Variants in PLEKHM3 observed in about 807,000 individuals in gnomAD.
PLEKHM3 encodes pleckstrin homology domain containing M3, also known as pleckstrin homology domain-containing family M member 3.
In PLEKHM3, 45 loss-of-function variants were observed where a neutral mutation model predicts 81.8. The observed-to-expected ratio is 0.55, with a 90% CI of 0.43 to 0.71. The LOEUF (loss-of-function observed/expected upper bound fraction) is 0.71. PLEKHM3 is among the 30% of genes least tolerant of loss of function. The probability of loss-of-function intolerance (pLI) is 0.00; values close to 1 mark genes in which losing one functional copy is unlikely to be tolerated. For missense variants in PLEKHM3, 788 were observed against 924.3 expected, an observed-to-expected ratio of 0.85 and a Z score of 1.91; for synonymous variants, 352 against 356.4, an observed-to-expected ratio of 0.99 and a Z score of 0.14.
At chr2:207,943,644 G>A (rs924925330) in intron 4 of PLEKHM3, among the ~76,000 whole-genome samples, 1 of 151,858 alleles carries the variant, frequency 6.6e-6, no homozygotes, top group African/African-American at 2.4e-5. Context: ...CGAGGCGGGC[G>A]GATCACGAGG....
intron 5 of PLEKHM3, among the ~76,000 whole-genome samples, 198 bp from the exon 6 acceptor site, chr2:207,908,775 G>A (rs1381374978): frequency 1.3e-5 from 2 of 152,168 alleles, no homozygotes; most frequent in Admixed American, 6.5e-5. Flanking sequence ...CCAGAATGGA[G>A]GTAAAAGTTT....
Position 207,972,573 on chromosome 2 carries a change from C to T in PLEKHM3, c.1546+4078G>A, listed in dbSNP as rs532289201. Among the ~76,000 whole-genome samples the T allele has an allele frequency of 1.2e-4, 17 of 139,442 alleles. No individual in the cohort carries two copies. The South Asian group carries it at 2.0e-3, about 17-fold the overall frequency. The allele number at this position is 139,442 out of a possible 152,430, so 91.5% of individuals were successfully genotyped here. A position where few individuals can be genotyped will look rare whatever the true frequency, so the allele number is the denominator to read the frequency against. ...CTGCACTCCAGCCTGGGCAACAGGG[C>T]GAGACTCCGTCTCAAAAAAAAAAAA... On this transcript the variant is annotated intron_variant, in intron 3 of 7. Coordinates refer to ENST00000427836, the MANE Select transcript of PLEKHM3 (RefSeq NM_001080475.3).
At chr2:207,998,298 G>A (rs1043387362) in intron 2 of PLEKHM3, among the ~76,000 whole-genome samples, 1 of 152,184 alleles carries the variant, frequency 6.6e-6, no homozygotes, top group African/African-American at 2.4e-5. Flanking sequence ...GAGCCCAGGA[G>A]TTTGAGACCA....
At chr2:208,006,801 G>A (rs988978594) in intron 1 of PLEKHM3, among the ~76,000 whole-genome samples, 2 of 152,194 alleles carry the variant, frequency 1.3e-5, no homozygotes, top group Non-Finnish European at 2.9e-5. Flanking sequence ...TGCCCTTTCT[G>A]TAAGAAGGGG....
intron 1 of PLEKHM3, among the ~76,000 whole-genome samples, chr2:208,021,948 C>T (rs897708772): frequency 6.6e-6 from 1 of 152,166 alleles, no homozygotes; most frequent in African/African-American, 2.4e-5. Flanking sequence ...CATTTTGGGG[C>T]ATTTAGGTTA....
rs530755243 is a variant in PLEKHM3, at chr2:207,883,602, G to A, written c.1951-22340C>T. On this transcript the variant is annotated intron_variant, in intron 6 of 7. Transcript: ENST00000427836. ...GTGGTGAGCATGTGTAAGGTGTAGC[G>A]TGCAAGTATAAGCCAGAGAAGCAGC... Among the ~76,000 whole-genome samples the A allele has an allele frequency of 8.5e-5, 13 of 152,286 alleles. No individual in the cohort carries two copies. In the South Asian group the frequency reaches 1.0e-3, roughly 12 times the overall value.
At position 207,890,110 on chromosome 2, in the gene PLEKHM3, G is replaced by A. The variant is rs979453705; in HGVS notation, c.1950+18404C>T. On this transcript the variant is annotated intron_variant, in intron 6 of 7. Coordinates refer to ENST00000427836, the MANE Select transcript of PLEKHM3 (RefSeq NM_001080475.3). ...GTGAGCCACCGTCCCCTGCCTATTC[G>A]TTCATTTTTTAAAAATTGCAAATTG... 2.6e-5 allele frequency among the ~76,000 whole-genome samples: 4 copies of A among 152,082 alleles called. No individual in the cohort carries two copies. In the South Asian group the frequency reaches 6.2e-4, roughly 24 times the overall value.
intron 1 of PLEKHM3, among the ~76,000 whole-genome samples, chr2:208,016,668 A>AAACACACACACACACACACACAC (rs1553568085): frequency 1.1e-4 from 7 of 61,556 alleles, no homozygotes; most frequent in Non-Finnish European, 2.0e-4. Flanking sequence ...AAAAAAAAAA[A>AAACACACACACACACACACACAC]ATACACACAC....
At chr2:207,908,394 T>A (rs754393776) in intron 6 of PLEKHM3, 120 bp downstream of exon 6, 126 of 911,884 alleles carry the variant, frequency 1.4e-4, no homozygotes, top group Non-Finnish European at 1.2e-4. Flanking sequence ...GAAAAAGAAT[T>A]ATCAGGGTTT....
intron 4 of PLEKHM3, among the ~76,000 whole-genome samples, chr2:207,938,510 C>T (rs561173626): frequency 1.3e-5 from 2 of 152,282 alleles, no homozygotes; most frequent in African/African-American, 2.4e-5. Flanking sequence ...TCTAACAGAA[C>T]GATGTCTGGT....
chr2:208,022,822 C>A (rs1233624914), intron 1 of PLEKHM3, among the ~76,000 whole-genome samples: 4 of 152,130 alleles, frequency 2.6e-5, no homozygotes, highest in African/African-American at 9.7e-5. Context: ...AAAGTGATAT[C>A]TTATTATATG....
intron 6 of PLEKHM3, among the ~76,000 whole-genome samples, chr2:207,905,226 C>T (rs1404900876): frequency 6.6e-6 from 1 of 152,146 alleles, no homozygotes; most frequent in Non-Finnish European, 1.5e-5. Context: ...ATTAAAAGCC[C>T]CTTTTCTCTA....
At chr2:207,884,998 C>T (rs1687840555) in intron 6 of PLEKHM3, among the ~76,000 whole-genome samples, 1 of 152,212 alleles carries the variant, frequency 6.6e-6, no homozygotes, top group Non-Finnish European at 1.5e-5. Context: ...GTAGACGAAG[C>T]TGAGAACCTG....
At chr2:207,975,532 T>C (rs1358079469) in intron 3 of PLEKHM3, among the ~76,000 whole-genome samples, 2 of 152,008 alleles carry the variant, frequency 1.3e-5, no homozygotes, top group Non-Finnish European at 2.9e-5. Flanking sequence ...AAAATAATTT[T>C]ATTTAGTTTA....
At position 207,823,344 on chromosome 2, in the gene PLEKHM3, C is replaced by T. The variant is rs2092230260; in HGVS notation, c.*4975G>A. 6.6e-6 allele frequency: 1 copy of T among 151,888 alleles called. No homozygotes were observed. The highest frequency in any genetic ancestry group is 2.4e-5 in the African/African-American group (1 of 41,334). 9.4% of individuals were successfully genotyped at this position (151,888 alleles called of 1,614,324 possible). ...TGAGACGGAGTCTTGCTCTGTCGCC[C>T]AGGCTGGAGTGCAGTGGCGCAATCT... On this transcript the variant is annotated 3_prime_UTR_variant, in exon 8 of 8. Coordinates refer to ENST00000427836, the MANE Select transcript of PLEKHM3 (RefSeq NM_001080475.3).
chr2:207,946,455 C>G lies in PLEKHM3; in HGVS notation c.1604G>C (p.Gly535Ala), dbSNP rs1241134350. ...GTGGCAGCTACTGCAGTAATACCAC[C>G]CACTGTAGTTGCACACCTTGGCTTT... ...NGKAKVCNYS[G>A]WYYCSSCHVD... The change falls in exon 4 of 8, where the codon GGG (glycine) becomes GCG (alanine). Residue 535 changes from glycine to alanine, a missense_variant. Physicochemically the swap from Gly to Ala is moderately conservative, Grantham distance 60 (BLOSUM62 0). Transcript: ENST00000427836. 1.2e-6 allele frequency: 2 copies of G among 1,614,068 alleles called. No individual in the cohort carries two copies. Among genetic ancestry groups the G allele is most frequent in the African/African-American group, 2.7e-5 (2 of 75,010 alleles).
At chr2:207,953,707 G>A (rs923446495) in intron 3 of PLEKHM3, among the ~76,000 whole-genome samples, 6 of 151,800 alleles carry the variant, frequency 4.0e-5, no homozygotes, top group African/African-American at 1.5e-4. Context: ...CTACATGCCT[G>A]TAATCCCTGC....
intron 3 of PLEKHM3, among the ~76,000 whole-genome samples, chr2:207,960,631 A>G (rs1237238786): frequency 6.6e-6 from 1 of 152,248 alleles, no homozygotes; most frequent in Non-Finnish European, 1.5e-5. Flanking sequence ...GCCCACACAG[A>G]CAGCATCTAA....
chr2:208,004,403 G>A (rs1417623949), intron 1 of PLEKHM3, among the ~76,000 whole-genome samples: 1 of 134,716 alleles, frequency 7.4e-6, no homozygotes, highest in Non-Finnish European at 1.7e-5. Flanking sequence ...GGGCAACAGA[G>A]CAATGCCCTG....
Sources: gnomAD v4.1 joint callset for allele counts (sites outside exome capture counted in the v4.1 genomes callset) on GRCh38, gnomAD v4.1.1 for gene constraint, MANE v1.5 for transcripts, NCBI Gene and HGNC (gene_info 2026-07-23, HGNC 2026-07-21) for gene names.